Variants in SPTBN4 observed in about 807,000 individuals in gnomAD.
SPTBN4 encodes the protein spectrin beta chain, non-erythrocytic 4.
Under a neutral mutation model 277.8 loss-of-function variants are expected in SPTBN4, and 96 were observed. The observed-to-expected ratio is 0.35, with a 90% confidence interval of 0.29 to 0.41. SPTBN4 has a LOEUF of 0.41. Ranked by LOEUF, SPTBN4 falls within the 10% of genes least tolerant of loss-of-function variation. SPTBN4 has a pLI of 1.00. For missense variants in SPTBN4, 3,006 were observed against 3,595.7 expected, an observed-to-expected ratio of 0.84 and a Z score of 4.19; for synonymous variants, 1,481 against 1,580.3, an observed-to-expected ratio of 0.94 and a Z score of 1.49.
chr19:40,546,173 C>T (rs1464227777), intron 20 of SPTBN4, among the ~76,000 whole-genome samples: 11 of 146,076 alleles, frequency 7.5e-5, no homozygotes, highest in African/African-American at 7.7e-5. Flanking sequence ...TGCAGTGAGC[C>T]GAGATCATGC....
At chr19:40,568,680 A>G (rs1232209382) in intron 31 of SPTBN4, among the ~76,000 whole-genome samples, 1 of 152,180 alleles carries the variant, frequency 6.6e-6, no homozygotes, top group Non-Finnish European at 1.5e-5. Flanking sequence ...CAATTCTCTC[A>G]GCAGCCTTAT....
At chr19:40,487,348 CTT>C (rs574600197) in intron 2 of SPTBN4, among the ~76,000 whole-genome samples, 17 of 128,288 alleles carry the variant, frequency 1.3e-4, no homozygotes, top group Non-Finnish European at 1.3e-4. Context: ...CCGACTCACT[CTT>C]TTTTTTTTTT....
At chr19:40,471,607 A>G (rs1568750251) in intron 1 of SPTBN4, among the ~76,000 whole-genome samples, 1 of 152,160 alleles carries the variant, frequency 6.6e-6, no homozygotes, top group Non-Finnish European at 1.5e-5. Context: ...GGGTATCGCC[A>G]TATTGCCCAG....
At chr19:40,550,424 C>A in intron 22 of SPTBN4, 97 bp downstream of exon 22, 2 of 1,135,944 alleles carry the variant, frequency 1.8e-6, no homozygotes, top group Non-Finnish European at 2.6e-6. Context: ...AATGTATTGG[C>A]TTTTGGAATT....
Position 40,572,011 on chromosome 19 carries a change from C to T in SPTBN4, c.7320-8C>T, listed in dbSNP as rs375612664. On this transcript the variant is annotated splice_polypyrimidine_tract_variant and splice_region_variant and intron_variant, in intron 33 of 35. Transcript: ENST00000598249. ...GGCTCTGCCTTGAGCCCCATCTTGT[C>T]GCTCCAGGTCGTGGGTGAGCCTGTA... The T allele has an allele frequency of 1.5e-4, 236 of 1,531,396 alleles. No homozygotes were observed. The African/African-American group carries it at 3.1e-3, about 20-fold the overall frequency. The allele number at this position is 1,531,396 out of a possible 1,614,324, so 94.9% of individuals were successfully genotyped here.
At chr19:40,534,565 A>G (rs2080714076) in intron 20 of SPTBN4, 2 of 591,740 alleles carry the variant, frequency 3.4e-6, no homozygotes, top group Non-Finnish European at 5.9e-6. Flanking sequence ...AAAAGGAAGG[A>G]TCTAGAGCCA....
At chr19:40,549,060 A>G in intron 20 of SPTBN4, 129 bp from the exon 21 acceptor site, 3 of 693,866 alleles carry the variant, frequency 4.3e-6, no homozygotes, top group Non-Finnish European at 7.0e-6. Context: ...CCTGGAGGGG[A>G]CTGAACAAGG....
intron 35 of SPTBN4, among the ~76,000 whole-genome samples, chr19:40,573,031 G>A (rs1009109624): frequency 3.3e-5 from 5 of 151,792 alleles, no homozygotes; most frequent in Non-Finnish European, 1.5e-5. Flanking sequence ...GATTCAGGTT[G>A]GGCACCATGG....
chr19:40,524,893 G>C (rs567602004), intron 17 of SPTBN4, among the ~76,000 whole-genome samples: 1 of 152,294 alleles, frequency 6.6e-6, no homozygotes, highest in African/African-American at 2.4e-5. Context: ...AGGCACTATT[G>C]TAGGTAGGCA....
At chr19:40,529,004 C>A in intron 17 of SPTBN4, 37 bp from the exon 18 acceptor site, 1 of 1,574,650 alleles carries the variant, frequency 6.4e-7, no homozygotes, top group South Asian at 1.1e-5. Flanking sequence ...CCCCCCAACC[C>A]GGGGCCTTTC....
At position 40,560,471 on chromosome 19, in the gene SPTBN4, T is replaced by C. The variant is rs776716236; in HGVS notation, c.5915+68T>C. The C allele has an allele frequency of 1.1e-5, 18 of 1,608,252 alleles. No homozygotes were observed. Among genetic ancestry groups the C allele is most frequent in the Non-Finnish European group, 1.4e-5 (17 of 1,176,500 alleles). ...GCCTACCCCAGCCACCCCCAGCCCA[T>C]TGACAGCCCCCTTCTCAATGGAATG... is the stretch of plus-strand genomic sequence containing the variant. On this transcript the variant is annotated intron_variant, in intron 27 of 35. Transcript: ENST00000598249. This position sits in a 1 kb window ranked among gnomAD's most constrained non-coding sequence, Gnocchi z 5.2.
intron 20 of SPTBN4, among the ~76,000 whole-genome samples, chr19:40,539,367 C>T (rs1312360237): frequency 1.3e-5 from 2 of 152,228 alleles, no homozygotes; most frequent in Admixed American, 1.3e-4. Context: ...AGCAGCAGAG[C>T]ATCTCAGTGA....
intron 5 of SPTBN4, among the ~76,000 whole-genome samples, chr19:40,494,101 G>A (rs1448239002): frequency 6.6e-6 from 1 of 152,016 alleles, no homozygotes; most frequent in Non-Finnish European, 1.5e-5. Flanking sequence ...GGAGCAGTAA[G>A]ACCTGAAACT....
Position 40,560,305 on chromosome 19 carries a change from C to T in SPTBN4, c.5817C>T (p.Ser1939=). ...GTGAGGATGCCCGCCTGCATGTCAG[C>T]TCCACAGCCGACGCCCTGCGCTTCC... is the stretch of plus-strand genomic sequence containing the variant. The part of the protein sequence containing the change: ...SACEDARLHV[S]STADALRFHS... The change falls in exon 27 of 36, where the codon AGC becomes AGT. Residue 1939 remains serine (S), a synonymous_variant. Transcript: ENST00000598249. The surrounding 1 kb of genome is among the most constrained non-coding windows in gnomAD (Gnocchi z 5.2). 12 of 1,614,132 alleles carry T rather than the reference C, an allele frequency of 7.4e-6. No individual in the cohort carries two copies. The highest frequency in any genetic ancestry group is 9.3e-6 in the Non-Finnish European group (11 of 1,180,012).
At chr19:40,548,931 A>G (rs2080886220) in intron 20 of SPTBN4, among the ~76,000 whole-genome samples, 1 of 152,104 alleles carries the variant, frequency 6.6e-6, no homozygotes, top group African/African-American at 2.4e-5. Context: ...AGAAGGTAAT[A>G]CTCCAGCTGA....
intron 35 of SPTBN4, among the ~76,000 whole-genome samples, chr19:40,572,890 C>T (rs927512135): frequency 6.6e-6 from 1 of 152,086 alleles, no homozygotes; most frequent in African/African-American, 2.4e-5. Flanking sequence ...ACCTGGAAGG[C>T]GGAGGTTGCA....
At chr19:40,489,077 A>G (rs1011492761) in intron 3 of SPTBN4, among the ~76,000 whole-genome samples, 1 of 151,764 alleles carries the variant, frequency 6.6e-6, no homozygotes, top group Non-Finnish European at 1.5e-5. Flanking sequence ...GGGCACCTGT[A>G]GTCCCAGCTG....
intron 20 of SPTBN4, among the ~76,000 whole-genome samples, chr19:40,539,067 G>T (rs1407635715): frequency 6.6e-6 from 1 of 151,982 alleles, no homozygotes; most frequent in Admixed American, 6.6e-5. Context: ...CAAGATCCCG[G>T]GCTGAAGCAT....
At chr19:40,479,005 G>A (rs758848693) in intron 2 of SPTBN4, among the ~76,000 whole-genome samples, 8 of 152,168 alleles carry the variant, frequency 5.3e-5, no homozygotes, top group Non-Finnish European at 7.3e-5. Context: ...CTGCTCTCCT[G>A]CTGAAACCAC....
Sources: gnomAD v4.1 joint callset for allele counts (sites outside exome capture counted in the v4.1 genomes callset) on GRCh38, gnomAD v4.1.1 for gene constraint, Gnocchi (gnomAD v3.1) non-coding constraint, MANE v1.5 for transcripts, NCBI Gene and HGNC (gene_info 2026-07-23, HGNC 2026-07-21) for gene names.